The following ADAM18 variants were observed in gnomAD, a reference collection of about 807,000 sequenced individuals.
ADAM18 encodes disintegrin and metalloproteinase domain-containing protein 18.
Under a neutral mutation model 94.4 loss-of-function variants are expected in ADAM18, and 117 were observed. That is an observed-to-expected ratio of 1.24 (90% CI 1.07 to 1.45). The LOEUF is 1.45. Ranked by LOEUF, ADAM18 falls within the 40% of genes most tolerant of loss-of-function variation. The pLI, the probability that ADAM18 is intolerant of heterozygous loss-of-function variation, is 0.00. For missense variants in ADAM18, 936 were observed against 880.0 expected (o/e 1.06, Z -0.81); for synonymous variants, 327 against 291.6 (o/e 1.12, Z -1.24).
At chr8:39,711,527 T>A (rs1231591060) in intron 18 of ADAM18, among the ~76,000 whole-genome samples, 1 of 152,040 alleles carries the variant, frequency 6.6e-6, no homozygotes, top group African/African-American at 2.4e-5. Flanking sequence ...GAAAAACATG[T>A]ATGGACAAAA....
rs1328049333 is a variant in ADAM18 at position 39,610,578 on chromosome 8, T to C, written c.394T>C (p.Ser132Pro). ...CAGTTATGGAATTGAACCAGTAGAA[T>C]CTTCAGCAAGATTTGAGCATATAAT... ...NISYGIEPVE[S>P]SARFEHIIYQ... Residue 132 changes from serine to proline, a missense_variant, in exon 6 of 20, where the codon TCT becomes CCT. Transcript: ENST00000265707. 1 of 1,612,058 alleles carries C rather than the reference T, an allele frequency of 6.2e-7. No individual in the cohort carries two copies.
chr8:39,675,670 G>T (rs1413295828), intron 14 of ADAM18, among the ~76,000 whole-genome samples: 1 of 152,178 alleles, frequency 6.6e-6, no homozygotes, highest in Admixed American at 6.5e-5. Context: ...TCCGTTGCTG[G>T]CGAGGAGCTG....
At chr8:39,693,530 G>GT (rs1193078558) in intron 17 of ADAM18, among the ~76,000 whole-genome samples, 2 of 150,444 alleles carry the variant, frequency 1.3e-5, no homozygotes, top group African/African-American at 4.9e-5. Context: ...AAAGTTATAC[G>GT]TTTTTTGTAT....
Position 39,584,600 on chromosome 8 carries a change from G to A in ADAM18, c.-23G>A. 2 of 1,611,644 alleles carry A rather than the reference G, an allele frequency of 1.2e-6. No homozygotes were observed. Among genetic ancestry groups the A allele is most frequent in the Non-Finnish European group, 1.7e-6 (2 of 1,179,966 alleles). ...CTCAACGGTCTCTGTCCTTGGCTGT[G>A]GCTCCTGCGCTCTGGCTGAGCCATG... On this transcript the variant is annotated 5_prime_UTR_variant, in exon 1 of 20. Transcript: ENST00000265707.
At chr8:39,585,032 G>C (rs1015681870) in intron 1 of ADAM18, among the ~76,000 whole-genome samples, 5 of 152,250 alleles carry the variant, frequency 3.3e-5, no homozygotes, top group Non-Finnish European at 7.4e-5. Flanking sequence ...TTCTAAAAGG[G>C]AACCAGAGGG....
chr8:39,702,517 GT>G (rs1272443842), intron 17 of ADAM18, among the ~76,000 whole-genome samples: 35 of 152,018 alleles, frequency 2.3e-4, no homozygotes, highest in African/African-American at 8.2e-4. Flanking sequence ...TTTTGCTTTT[GT>G]TTCAATTGCT....
chr8:39,653,160 T>TA (rs139763332), intron 12 of ADAM18, among the ~76,000 whole-genome samples: 1,556 of 152,278 alleles, frequency 0.01, 28 homozygotes, highest in African/African-American at 0.035. Context: ...TAAGTGTTTT[T>TA]ACCACAAAAT....
At chr8:39,609,367 T>G (rs1819193315) in intron 4 of ADAM18, 118 bp from the exon 5 acceptor site, 1 of 723,118 alleles carries the variant, frequency 1.4e-6, no homozygotes, top group Non-Finnish European at 2.2e-6. Context: ...AAATATGCAT[T>G]AATAATTAAT....
chr8:39,643,784 A>C (rs1316278295), intron 10 of ADAM18, among the ~76,000 whole-genome samples: 1 of 150,384 alleles, frequency 6.6e-6, no homozygotes, highest in Non-Finnish European at 1.5e-5. Flanking sequence ...CTTTATCTAA[A>C]TACCTTCTTT....
At chr8:39,616,733 T>C (rs1293348701) in intron 6 of ADAM18, among the ~76,000 whole-genome samples, 2 of 152,180 alleles carry the variant, frequency 1.3e-5, no homozygotes, top group South Asian at 2.1e-4. Context: ...AACCATCTTA[T>C]CTTCAACAGC....
At chr8:39,615,937 C>A (rs1487124234) in intron 6 of ADAM18, among the ~76,000 whole-genome samples, 1 of 152,180 alleles carries the variant, frequency 6.6e-6, no homozygotes, top group East Asian at 1.9e-4. Context: ...AGGGGCAAAT[C>A]AAGAACACAA....
Position 39,692,586 on chromosome 8 carries a change from T to G in ADAM18, c.1822-14T>G. 1 of 1,532,788 alleles carries G rather than the reference T, an allele frequency of 6.5e-7. No individual in the cohort carries two copies. Among genetic ancestry groups the G allele is most frequent in the Middle Eastern group, 1.7e-4 (1 of 5,786 alleles). 94.9% of individuals were successfully genotyped at this position (1,532,788 alleles called of 1,614,324 possible). ...CATTTGTGAATTGTAAAATTTTTGT[T>G]TGTTTTGTTTTAGTACTGTGTAAAT... On this transcript the variant is annotated splice_polypyrimidine_tract_variant and intron_variant, in intron 16 of 19. Coordinates refer to ENST00000265707, the MANE Select transcript of ADAM18 (RefSeq NM_014237.3).
At chr8:39,725,189 T>C (rs1173354057) in intron 19 of ADAM18, among the ~76,000 whole-genome samples, 1 of 152,020 alleles carries the variant, frequency 6.6e-6, no homozygotes, top group Non-Finnish European at 1.5e-5. Context: ...GAAGTATAAT[T>C]GATATACAAA....
intron 6 of ADAM18, among the ~76,000 whole-genome samples, chr8:39,628,636 G>A (rs1315736778): frequency 1.3e-5 from 2 of 151,912 alleles, no homozygotes; most frequent in Non-Finnish European, 2.9e-5. Context: ...GTATTTTGTG[G>A]CCTGTAAATA....
chr8:39,621,314 C>A (rs1417319924), intron 6 of ADAM18, among the ~76,000 whole-genome samples: 2 of 63,122 alleles, frequency 3.2e-5, no homozygotes, highest in Non-Finnish European at 6.2e-5. Flanking sequence ...CAAAATCACA[C>A]ACACACACAC....
At chr8:39,663,761 AACT>A in intron 12 of ADAM18, 31 bp from the exon 13 acceptor site, 1 of 1,434,212 alleles carries the variant, frequency 7.0e-7, no homozygotes, top group Non-Finnish European at 9.8e-7. Context: ...TAAGTGGTTA[AACT>A]GTAATAATAT....
intron 17 of ADAM18, among the ~76,000 whole-genome samples, chr8:39,701,702 A>G (rs1466130716): frequency 1.3e-5 from 2 of 152,048 alleles, no homozygotes; most frequent in Non-Finnish European, 2.9e-5. Context: ...ATGTGTTGTC[A>G]TCATTTCGTT....
At chr8:39,599,879 T>G (rs1353746896) in intron 2 of ADAM18, among the ~76,000 whole-genome samples, 3 of 144,984 alleles carry the variant, frequency 2.1e-5, no homozygotes, top group Admixed American at 7.8e-5. Flanking sequence ...AAAATTTGTG[T>G]TTTTTTTTTT....
chr8:39,655,288 C>A (rs1194751483), intron 12 of ADAM18, among the ~76,000 whole-genome samples: 2 of 152,118 alleles, frequency 1.3e-5, no homozygotes, highest in African/African-American at 4.8e-5. Flanking sequence ...AGAGACTGTT[C>A]TTTTCCCAGT....
Sources: gnomAD v4.1 joint callset for allele counts (sites outside exome capture counted in the v4.1 genomes callset) on GRCh38, gnomAD v4.1.1 for gene constraint, MANE v1.5 for transcripts, NCBI Gene and HGNC (gene_info 2026-07-23, HGNC 2026-07-21) for gene names.